Variants in CHCHD6 observed in about 807,000 individuals in gnomAD.
CHCHD6 encodes the protein coiled-coil-helix-coiled-coil-helix domain containing 6.
CHCHD6 carries 28 observed loss-of-function variants against 32.3 expected under a neutral mutation model. That is an observed-to-expected ratio of 0.87 (90% CI 0.64 to 1.19). The LOEUF is 1.19. Ranked by LOEUF, CHCHD6 falls within the 50% of genes most tolerant of loss-of-function variation. CHCHD6 has a pLI of 0.00. For missense variants in CHCHD6, 333 were observed against 307.0 expected (o/e 1.08, Z -0.63); for synonymous variants, 122 against 117.5 (o/e 1.04, Z -0.25).
At chr3:126,754,736 TCC>T (rs1177666122) in intron 4 of CHCHD6, among the ~76,000 whole-genome samples, 1 of 152,232 alleles carries the variant, frequency 6.6e-6, no homozygotes, top group Non-Finnish European at 1.5e-5. Flanking sequence ...ATCACGTCCC[TCC>T]AGATGAATTT....
At chr3:126,759,687 T>A (rs1937092664) in intron 4 of CHCHD6, among the ~76,000 whole-genome samples, 1 of 152,202 alleles carries the variant, frequency 6.6e-6, no homozygotes, top group Non-Finnish European at 1.5e-5. Flanking sequence ...CCTCACTGTA[T>A]TATATCAGGA....
chr3:126,717,965 G>A (rs1056970161), intron 1 of CHCHD6, among the ~76,000 whole-genome samples: 15 of 152,188 alleles, frequency 9.9e-5, no homozygotes, highest in Non-Finnish European at 2.1e-4. Context: ...TGTCATTAGA[G>A]TCTTATGGAG....
intron 6 of CHCHD6, among the ~76,000 whole-genome samples, chr3:126,937,984 A>G (rs2078505990): frequency 6.6e-6 from 1 of 152,206 alleles, no homozygotes; most frequent in Non-Finnish European, 1.5e-5. Context: ...CTGAGAAAAC[A>G]GGGGATTCCC....
intron 6 of CHCHD6, chr3:126,957,146 G>A: frequency 1.9e-6 from 1 of 525,246 alleles, no homozygotes. Context: ...CCCAGTGAAG[G>A]AGCCCGGTGT....
chr3:126,914,694 T>C lies in CHCHD6; in HGVS notation c.510T>C (p.Tyr170=). ...ERIERKNAEM[Y]KLSSEQFHEA... is the part of the protein sequence containing the mutation. ...TCTCCTTGTAGAATGCTGAGATGTA[T>C]AAACTGTCTTCAGAGCAATTCCATG... The change falls in exon 6 of 8, where the codon TAT becomes TAC. Residue 170 remains tyrosine (Y), a synonymous_variant. Coordinates refer to ENST00000290913, the MANE Select transcript of CHCHD6 (RefSeq NM_032343.3). 1 of 1,590,886 alleles carries C rather than the reference T, an allele frequency of 6.3e-7. No homozygotes were observed. Among genetic ancestry groups the C allele is most frequent in the Non-Finnish European group, 8.6e-7 (1 of 1,158,752 alleles).
intron 6 of CHCHD6, among the ~76,000 whole-genome samples, chr3:126,927,431 G>A (rs958427994): frequency 2.0e-5 from 3 of 152,184 alleles, no homozygotes; most frequent in Middle Eastern, 3.2e-3. Flanking sequence ...TGCAGAGGGC[G>A]TCTCATCCAG....
intron 4 of CHCHD6, among the ~76,000 whole-genome samples, chr3:126,824,276 A>T (rs945990042): frequency 1.3e-5 from 2 of 151,806 alleles, no homozygotes; most frequent in Non-Finnish European, 1.5e-5. Context: ...AAGAACCAAC[A>T]TTTGGCCGGG....
intron 5 of CHCHD6, among the ~76,000 whole-genome samples, chr3:126,863,427 C>T (rs1188714805): frequency 6.3e-5 from 9 of 143,144 alleles, no homozygotes; most frequent in Non-Finnish European, 1.5e-5. Flanking sequence ...TCACCTCCTC[C>T]TCCTCCACCA....
intron 4 of CHCHD6, among the ~76,000 whole-genome samples, chr3:126,740,438 C>G (rs1176899870): frequency 1.3e-5 from 2 of 152,168 alleles, no homozygotes; most frequent in Non-Finnish European, 2.9e-5. Flanking sequence ...ATTCTCATAA[C>G]TGATACCAGA....
At chr3:126,704,485 T>C (rs1465341725) in intron 1 of CHCHD6, 86 bp downstream of exon 1, 1 of 836,068 alleles carries the variant, frequency 1.2e-6, no homozygotes, top group East Asian at 3.4e-5. Context: ...GCCGGGGCTC[T>C]TTCCACGCGT....
At chr3:126,785,845 T>C (rs114171175) in intron 4 of CHCHD6, among the ~76,000 whole-genome samples, 1,529 of 152,326 alleles carry the variant, frequency 0.01, 28 homozygotes, top group African/African-American at 0.035. Flanking sequence ...ATATTTATCA[T>C]ACTTTAAGTT....
intron 4 of CHCHD6, among the ~76,000 whole-genome samples, chr3:126,828,860 C>T (rs986331013): frequency 1.3e-5 from 2 of 152,142 alleles, no homozygotes; most frequent in African/African-American, 4.8e-5. Context: ...TTGATCATTG[C>T]GTTCCCCTTT....
chr3:126,721,762 C>T (rs868073525), intron 1 of CHCHD6, among the ~76,000 whole-genome samples: 11 of 143,438 alleles, frequency 7.7e-5, no homozygotes, highest in South Asian at 2.5e-4. Context: ...GTCCCCACCC[C>T]GGTCCCTGCA....
At chr3:126,757,104 C>A (rs1936981097) in intron 4 of CHCHD6, among the ~76,000 whole-genome samples, 1 of 152,112 alleles carries the variant, frequency 6.6e-6, no homozygotes, top group Non-Finnish European at 1.5e-5. Context: ...GTTGAGCCTC[C>A]TAAATCTAAA....
intron 1 of CHCHD6, among the ~76,000 whole-genome samples, chr3:126,710,162 T>C (rs1934683684): frequency 6.6e-6 from 1 of 152,258 alleles, no homozygotes; most frequent in Non-Finnish European, 1.5e-5. Context: ...GATGTTTGCT[T>C]CATGAGATCT....
At chr3:126,740,509 GA>G (rs1936247340) in intron 4 of CHCHD6, among the ~76,000 whole-genome samples, 1 of 152,138 alleles carries the variant, frequency 6.6e-6, no homozygotes, top group Non-Finnish European at 1.5e-5. Flanking sequence ...CAAAGAAAAT[GA>G]AAAGGCCAAA....
At chr3:126,864,684 CTCCTCCTCCACCATCATCTCCTCT>C (rs1559890331) in intron 5 of CHCHD6, among the ~76,000 whole-genome samples, 47 of 146,340 alleles carry the variant, frequency 3.2e-4, no homozygotes, top group Admixed American at 4.7e-4. Flanking sequence ...TCATCTCCTC[CTCCTCCTCCACCATCATCTCCTCT>C]TCCTCCTCCA....
chr3:126,934,535 G>GTT (rs2078450446), intron 6 of CHCHD6, among the ~76,000 whole-genome samples: 1 of 87,434 alleles, frequency 1.1e-5, no homozygotes, highest in African/African-American at 5.1e-5. Flanking sequence ...TCCCCTCTCT[G>GTT]CTTTTTTTTT....
chr3:126,954,738 G>A (rs2078760168), intron 6 of CHCHD6, among the ~76,000 whole-genome samples: 1 of 152,230 alleles, frequency 6.6e-6, no homozygotes, highest in African/African-American at 2.4e-5. Flanking sequence ...GTGCAGCAGA[G>A]GCTATGATGG....
Sources: gnomAD v4.1 joint callset for allele counts (sites outside exome capture counted in the v4.1 genomes callset) on GRCh38, gnomAD v4.1.1 for gene constraint, MANE v1.5 for transcripts, NCBI Gene and HGNC (gene_info 2026-07-23, HGNC 2026-07-21) for gene names.